TXNRD3: variants seen among roughly 807,000 people sequenced by gnomAD.
TXNRD3 encodes the protein TXNRD3 neighbor gene protein.
In TXNRD3, 68 loss-of-function variants were observed where a neutral mutation model predicts 78.2. The observed-to-expected ratio is 0.87, with a 90% confidence interval of 0.72 to 1.06. TXNRD3 has a LOEUF of 1.06. Ranked by LOEUF, TXNRD3 falls within the 50% of genes least tolerant of loss-of-function variation. TXNRD3 has a pLI of 0.00. For missense variants in TXNRD3, 751 were observed against 809.5 expected, an observed-to-expected ratio of 0.93 and a Z score of 0.88; for synonymous variants, 296 against 300.1, an observed-to-expected ratio of 0.99 and a Z score of 0.14.
At chr3:126,629,519 AG>A in intron 9 of TXNRD3, 48 bp from the exon 10 acceptor site, 8 of 1,416,940 alleles carry the variant, frequency 5.6e-6, no homozygotes, top group African/African-American at 1.4e-5. Context: ...ATGATAAAAA[AG>A]AAATACACGA....
rs1576291918 is a variant in TXNRD3 at position 126,636,612 on chromosome 3, C to T, written c.713-2561G>A. On this transcript the variant is annotated intron_variant, in intron 6 of 15. Transcript: ENST00000524230. The stretch of plus-strand genomic sequence containing the variant: ...TGTGCTATCCTGGGCTGACCCCCTC[C>T]CTGCACCCCACGGCGAGCCCTACCC... Among the ~76,000 whole-genome samples, 4 of 152,314 alleles carry T rather than the reference C, an allele frequency of 2.6e-5. No individual in the cohort carries two copies. The Middle Eastern group carries it at 0.01, about 389-fold the overall frequency.
At chr3:126,616,024 C>G (rs1045594095) in intron 12 of TXNRD3, among the ~76,000 whole-genome samples, 9 of 152,110 alleles carry the variant, frequency 5.9e-5, no homozygotes, top group African/African-American at 2.2e-4. Flanking sequence ...ACCGCAGGGA[C>G]AAGGATGACC....
chr3:126,625,744 T>C lies in TXNRD3; in HGVS notation c.1291-3204A>G, dbSNP rs535486451. Among the ~76,000 whole-genome samples, 6 of 152,358 alleles carry C rather than the reference T, an allele frequency of 3.9e-5. No individual in the cohort carries two copies. In the South Asian group the frequency reaches 1.0e-3, roughly 26 times the overall value. ...GGAATTGCCACACTGACTTCCACAA[T>C]GGTTGAACTAGTTACAGTCCCACCA... On this transcript the variant is annotated intron_variant, in intron 10 of 15. Coordinates refer to ENST00000524230, the MANE Select transcript of TXNRD3 (RefSeq NM_052883.3).
Position 126,644,306 on chromosome 3 carries a change from T to A in TXNRD3, c.510A>T (p.Ser170=), listed in dbSNP as rs1460734968. 1 of 1,536,252 alleles carries A rather than the reference T, an allele frequency of 6.5e-7. No individual in the cohort carries two copies. Among genetic ancestry groups the A allele is most frequent in the East Asian group, 2.4e-5 (1 of 40,922 alleles). ...ATTTCTATATTCATACCTTCGCACA[T>A]GAAAGGCCTCCAGAACCACCACCGA... is the stretch of plus-strand genomic sequence containing the variant. The change falls in exon 4 of 16, where the codon TCA becomes TCT. Residue 170 remains serine, a synonymous_variant. Coordinates refer to ENST00000524230, the MANE Select transcript of TXNRD3 (RefSeq NM_052883.3).
chr3:126,622,638 G>A, intron 10 of TXNRD3, 98 bp from the exon 11 acceptor site: 2 of 851,546 alleles, frequency 2.3e-6, no homozygotes, highest in South Asian at 1.9e-5. Context: ...GGGTAATAAT[G>A]GAATATTACA....
In TXNRD3 at chr3:126,630,792, C is replaced by A. The variant is rs548859700; in HGVS notation, c.1117G>T (p.Asp373Tyr). Residue 373 changes from aspartate (D) to tyrosine (Y), a missense_variant, in exon 9 of 16, where the codon GAC becomes TAC. Asp to Tyr is a radical substitution (Grantham distance 160). Transcript: ENST00000524230. ...CCCACTTTTTCTGCCATTTCTTGGT[C>A]GAAGCCACGGAGAAGGATTGAGCGT... 1.3e-6 allele frequency: 2 copies of A among 1,535,010 alleles called. No homozygotes were observed. The highest frequency in any genetic ancestry group is 2.0e-5 in the Admixed American group (1 of 50,998).
At chr3:126,628,025 T>C (rs2107617483) in intron 10 of TXNRD3, among the ~76,000 whole-genome samples, 1 of 152,238 alleles carries the variant, frequency 6.6e-6, no homozygotes, top group Middle Eastern at 3.4e-3. Flanking sequence ...ACAAAGTTGG[T>C]TGAATATTAG....
chr3:126,654,904 G>A lies in TXNRD3; in HGVS notation c.87C>T (p.Arg29=), dbSNP rs971894587. The change falls in exon 1 of 16, where the codon CGC becomes CGT. Residue 29 remains arginine, a synonymous_variant. Transcript: ENST00000524230. ...CACGGCGCCCCGGCGGCGACAACAC[G>A]CGCGCCCCTCGGACATGGCCCGAGC... The A allele has an allele frequency of 1.1e-3, 1,440 of 1,312,414 alleles. 1 individual carries two copies. Among genetic ancestry groups the A allele is most frequent in the Non-Finnish European group, 1.4e-3 (1,404 of 1,039,256 alleles). The allele number at this position is 1,312,414 out of a possible 1,614,324, so 81.3% of individuals were successfully genotyped here.
rs879568075 is a variant in TXNRD3, at chr3:126,624,476, A to G, written c.1291-1936T>C. Among the ~76,000 whole-genome samples, 16 of 151,000 alleles carry G rather than the reference A, an allele frequency of 1.1e-4. 1 individual carries two copies. Among genetic ancestry groups the G allele is most frequent in the Admixed American group, 9.9e-4 (15 of 15,106 alleles). On this transcript the variant is annotated intron_variant, in intron 10 of 15. Coordinates refer to ENST00000524230, the MANE Select transcript of TXNRD3 (RefSeq NM_052883.3). ...TGCTCTGGCACCCAGGCTGGAGTGC[A>G]GTGGCGTGATCTCGGCTCACTGCAA...
intron 8 of TXNRD3, 38 bp from the exon 9 acceptor site, chr3:126,630,975 C>A: frequency 1.3e-6 from 2 of 1,512,432 alleles, no homozygotes; most frequent in South Asian, 1.2e-5. Flanking sequence ...ACCTAGGCAG[C>A]AAGAATGAAA....
intron 6 of TXNRD3, 77 bp from the exon 7 acceptor site, chr3:126,634,128 G>C: frequency 7.8e-7 from 1 of 1,289,962 alleles, no homozygotes; most frequent in Non-Finnish European, 1.0e-6. Context: ...CCACACATGA[G>C]CCATACTAAC....
intron 10 of TXNRD3, among the ~76,000 whole-genome samples, chr3:126,623,745 T>C (rs1015596338): frequency 6.7e-6 from 1 of 148,382 alleles, no homozygotes; most frequent in Non-Finnish European, 1.5e-5. Flanking sequence ...CTGGCAATGA[T>C]ACAAGACTCA....
Position 126,607,431 on chromosome 3 carries a change from A to C in TXNRD3, c.*474T>G, listed in dbSNP as rs1938072696. The C allele has an allele frequency of 6.6e-6, 1 of 152,426 alleles. No homozygotes were observed. Among genetic ancestry groups the C allele is most frequent in the Admixed American group, 6.5e-5 (1 of 15,292 alleles). 9.4% of individuals were successfully genotyped at this position (152,426 alleles called of 1,614,324 possible). A position where few individuals can be genotyped will look rare whatever the true frequency, so the allele number is the denominator to read the frequency against. On this transcript the variant is annotated 3_prime_UTR_variant, in exon 16 of 16. Coordinates refer to ENST00000524230, the MANE Select transcript of TXNRD3 (RefSeq NM_052883.3). ...AAATGCAGCCCACAGCAGCCCACAG[A>C]CACTGTTCACCAGTGAGCATGTGTG... is the stretch of plus-strand genomic sequence containing the variant.
intron 10 of TXNRD3, chr3:126,625,165 T>C (rs1938549036): frequency 6.6e-6 from 1 of 152,304 alleles, no homozygotes; most frequent in South Asian, 2.1e-4. Context: ...TCTTTTTTTT[T>C]TTAATATACT....
chr3:126,612,257 C>T (rs1036358272), intron 13 of TXNRD3, among the ~76,000 whole-genome samples: 2 of 152,108 alleles, frequency 1.3e-5, no homozygotes, highest in South Asian at 4.1e-4. Flanking sequence ...CAGCTTGTCT[C>T]GAACTCCTAA....
chr3:126,636,014 C>G (rs949304776), intron 6 of TXNRD3, among the ~76,000 whole-genome samples: 3 of 152,222 alleles, frequency 2.0e-5, no homozygotes, highest in African/African-American at 7.2e-5. Context: ...TCACTGCAGC[C>G]TTGACCTCCC....
intron 4 of TXNRD3, 101 bp downstream of exon 4, chr3:126,644,196 C>T: frequency 7.3e-7 from 1 of 1,371,630 alleles, no homozygotes; most frequent in Non-Finnish European, 9.9e-7. Context: ...ACAACAAAAG[C>T]TTAAACTGTA....
chr3:126,634,321 G>C (rs913300582), intron 6 of TXNRD3, among the ~76,000 whole-genome samples: 1 of 152,118 alleles, frequency 6.6e-6, no homozygotes, highest in Admixed American at 6.5e-5. Context: ...ATATGGCAAC[G>C]CCTGCCACGA....
intron 12 of TXNRD3, 57 bp downstream of exon 12, chr3:126,621,685 G>A: frequency 7.2e-7 from 1 of 1,394,876 alleles, no homozygotes; most frequent in Non-Finnish European, 9.3e-7. Flanking sequence ...ACTTGTATTA[G>A]TTTTAAAAAT....
Sources: allele counts gnomAD v4.1 joint callset (sites outside exome capture counted in the v4.1 genomes callset), GRCh38; gene constraint gnomAD v4.1.1; transcripts MANE v1.5; gene names NCBI Gene and HGNC (gene_info 2026-07-23, HGNC 2026-07-21).